The following PCDHGB6 variants were observed in gnomAD, a reference collection of about 807,000 sequenced individuals.
PCDHGB6 encodes protocadherin gamma subfamily B, 6.
A neutral mutation model predicts 59.1 loss-of-function variants in PCDHGB6; 51 were observed. The ratio of observed to expected loss-of-function variants is 0.86; its 90% CI spans 0.69 to 1.09. The LOEUF (loss-of-function observed/expected upper bound fraction) is 1.09. PCDHGB6 is among the 50% of genes least tolerant of loss of function. PCDHGB6 has a pLI of 0.00. For synonymous variants in PCDHGB6, 466 were observed against 495.1 expected (o/e 0.94, Z 0.78); for missense variants, 1,148 against 1,205.1 (o/e 0.95, Z 0.70).
rs756146067 is a variant in PCDHGB6, at chr5:141,477,534, G to C, written c.2419-17273G>C. On this transcript the variant is annotated intron_variant, in intron 1 of 3. Transcript: ENST00000520790. This position sits in a 1 kb window ranked among gnomAD's most constrained non-coding sequence, Gnocchi z 4.9. ...TACATTGAAGAAAACAACCTCCCCG[G>C]GGCTCCAATACTAAACCTAAGTGTC... 1.9e-6 allele frequency: 3 copies of C among 1,614,008 alleles called. No homozygotes were observed. Among genetic ancestry groups the C allele is most frequent in the East Asian group, 4.5e-5 (2 of 44,870 alleles).
Position 141,511,502 on chromosome 5 carries a change from A to C in PCDHGB6, c.*329A>C. The C allele has an allele frequency of 2.0e-5, 8 of 395,260 alleles. No individual in the cohort carries two copies. The highest frequency in any genetic ancestry group is 4.1e-5 in the African/African-American group (2 of 48,892). The allele number at this position is 395,260 out of a possible 1,614,324, so 24.5% of individuals were successfully genotyped here. A position where few individuals can be genotyped will look rare whatever the true frequency, so the allele number is the denominator to read the frequency against. ...CTGAACTCCTCCATCTTCCAAATCA[A>C]TCAGGCCCATCCATCCCATGCCTCC... On this transcript the variant is annotated 3_prime_UTR_variant, in exon 4 of 4. Transcript: ENST00000520790.
intron 1 of PCDHGB6, among the ~76,000 whole-genome samples, chr5:141,453,095 G>T (rs1254113352): frequency 6.6e-6 from 1 of 151,962 alleles, no homozygotes; most frequent in African/African-American, 2.4e-5. Flanking sequence ...TATATTTTCT[G>T]TTGCTTTTTT....
intron 1 of PCDHGB6, chr5:141,419,932 C>T: frequency 6.2e-7 from 1 of 1,614,090 alleles, no homozygotes; most frequent in Non-Finnish European, 8.5e-7. Flanking sequence ...TGCAGTTTTA[C>T]CTGGTGGTGG....
chr5:141,503,471 C>A (rs2099820129), intron 2 of PCDHGB6, among the ~76,000 whole-genome samples: 1 of 151,836 alleles, frequency 6.6e-6, no homozygotes, highest in African/African-American at 2.4e-5. Context: ...GGCATGTGTG[C>A]ACTTGTCGTC....
At chr5:141,417,340 C>T (rs981474163) in intron 1 of PCDHGB6, 2 of 152,874 alleles carry the variant, frequency 1.3e-5, no homozygotes, top group African/African-American at 4.8e-5. Context: ...GATAGGAGAC[C>T]TATAAACCTT....
At chr5:141,459,531 A>G (rs1479666418) in intron 1 of PCDHGB6, among the ~76,000 whole-genome samples, 2 of 152,184 alleles carry the variant, frequency 1.3e-5, no homozygotes, top group Admixed American at 1.3e-4. Context: ...TTTTGTAGGC[A>G]TATTTTTTTT....
Position 141,487,247 on chromosome 5 carries a change from T to C in PCDHGB6, c.2419-7560T>C. Reference sequence around the variant, plus strand: ...GGAAGGAGAATCTCGTCTAACCCTCTACTTGGCTGTGTCCCTAGTGGCAAT... The same window carrying C: ...GGAAGGAGAATCTCGTCTAACCCTCCACTTGGCTGTGTCCCTAGTGGCAAT... On this transcript the variant is annotated intron_variant, in intron 1 of 3. Transcript: ENST00000520790. This position sits in a 1 kb window ranked among gnomAD's most constrained non-coding sequence, Gnocchi z 5.0. 1 of 1,614,174 alleles carries C rather than the reference T, an allele frequency of 6.2e-7. No individual in the cohort carries two copies. The highest frequency in any genetic ancestry group is 1.3e-5 in the African/African-American group (1 of 75,048).
intron 1 of PCDHGB6, among the ~76,000 whole-genome samples, chr5:141,447,749 T>G (rs1462661604): frequency 6.6e-6 from 1 of 152,196 alleles, no homozygotes; most frequent in Non-Finnish European, 1.5e-5. Context: ...GAGTCTTGCA[T>G]GTGACTGTAT....
intron 2 of PCDHGB6, among the ~76,000 whole-genome samples, chr5:141,504,859 C>T (rs1396681670): frequency 6.6e-6 from 1 of 152,090 alleles, no homozygotes; most frequent in African/African-American, 2.4e-5. Context: ...TCTTCCATTT[C>T]CCACCTTCAC....
chr5:141,490,412 C>T lies in PCDHGB6; in HGVS notation c.2419-4395C>T, dbSNP rs2233605. 10 of 1,614,062 alleles carry T rather than the reference C, an allele frequency of 6.2e-6. No homozygotes were observed. The highest frequency in any genetic ancestry group is 4.0e-5 in the African/African-American group (3 of 74,910). Reference sequence around the variant, plus strand: ...GGTGAAGTGAGCCTTGATATCTCTCCGGACCTGCCATTTCAGATTAAGCCT... The same window carrying T: ...GGTGAAGTGAGCCTTGATATCTCTCTGGACCTGCCATTTCAGATTAAGCCT... On this transcript the variant is annotated intron_variant, in intron 1 of 3. Transcript: ENST00000520790. This position sits in a 1 kb window ranked among gnomAD's most constrained non-coding sequence, Gnocchi z 5.4.
chr5:141,415,740 G>GTTTTTTTTTTTTTTTT (rs57426385), intron 1 of PCDHGB6: 34 of 625,042 alleles, frequency 5.4e-5, no homozygotes, highest in African/African-American at 2.0e-4. Flanking sequence ...GTTTATTAAG[G>GTTTTTTTTTTTTTTTT]TTTTTTTTTT....
At chr5:141,422,950 G>A (rs1388735971) in intron 1 of PCDHGB6, 2 of 1,614,230 alleles carry the variant, frequency 1.2e-6, no homozygotes, top group South Asian at 1.1e-5. Flanking sequence ...CGGCTCCACT[G>A]GCGTGGAGCT....
At chr5:141,449,055 A>T (rs1056298558) in intron 1 of PCDHGB6, among the ~76,000 whole-genome samples, 1 of 152,188 alleles carries the variant, frequency 6.6e-6, no homozygotes, top group Non-Finnish European at 1.5e-5. Context: ...CTCATAAATG[A>T]GCGCTATTGA....
In PCDHGB6 at chr5:141,486,705, A is replaced by T. The variant is rs2099633722; in HGVS notation, c.2419-8102A>T. On this transcript the variant is annotated intron_variant, in intron 1 of 3. Transcript: ENST00000520790. This position sits in a 1 kb window ranked among gnomAD's most constrained non-coding sequence, Gnocchi z 5.0. ...TCAGCTTCCTCTTTCATCTCTCTGA[A>T]CCCCCAGACAGGAGCTGTTCATGCT... The T allele has an allele frequency of 6.2e-7, 1 of 1,613,844 alleles. No individual in the cohort carries two copies. The highest frequency in any genetic ancestry group is 1.3e-5 in the African/African-American group (1 of 74,910).
At chr5:141,418,328 G>A (rs1298044571) in intron 1 of PCDHGB6, 1 of 1,614,002 alleles carries the variant, frequency 6.2e-7, no homozygotes, top group Non-Finnish European at 8.5e-7. Flanking sequence ...TCTTGAGTCT[G>A]CAGAAGATCC....
chr5:141,509,086 A>T lies in PCDHGB6; in HGVS notation c.2567-1861A>T, dbSNP rs147084289. On this transcript the variant is annotated intron_variant, in intron 3 of 3. Coordinates refer to ENST00000520790, the MANE Select transcript of PCDHGB6 (RefSeq NM_018926.3). ...CAGCTCCGGGGATTTGCGACATGAAATGGGGGCTGTAGAAACCTGAGCGCT... is the reference window on the plus strand; with the variant it reads ...CAGCTCCGGGGATTTGCGACATGAATTGGGGGCTGTAGAAACCTGAGCGCT... 8.3e-3 allele frequency among the ~76,000 whole-genome samples: 1,261 copies of T among 152,228 alleles called. 7 individuals are homozygous for T. Among genetic ancestry groups the T allele is most frequent in the Middle Eastern group, 0.037 (11 of 294 alleles).
At chr5:141,450,006 CTTT>C (rs1554136305) in intron 1 of PCDHGB6, among the ~76,000 whole-genome samples, 9 of 132,974 alleles carry the variant, frequency 6.8e-5, no homozygotes, top group Admixed American at 7.8e-5. Context: ...TGCCATGTCT[CTTT>C]TTTTTTTTTT....
chr5:141,487,031 G>A lies in PCDHGB6; in HGVS notation c.2419-7776G>A, dbSNP rs749130369. 1.2e-6 allele frequency: 2 copies of A among 1,614,182 alleles called. No homozygotes were observed. Among genetic ancestry groups the A allele is most frequent in the Non-Finnish European group, 1.7e-6 (2 of 1,180,028 alleles). On this transcript the variant is annotated intron_variant, in intron 1 of 3. Coordinates refer to ENST00000520790, the MANE Select transcript of PCDHGB6 (RefSeq NM_018926.3). The surrounding 1 kb of genome is among the most constrained non-coding windows in gnomAD (Gnocchi z 5.0). ...GGAGGCCCCAGATCCCAGCCTGTTT[G>A]CAGTCTCTCGATATGCTGGGGAGGT...
chr5:141,442,343 G>A (rs1300318674), intron 1 of PCDHGB6: 1 of 152,336 alleles, frequency 6.6e-6, no homozygotes, highest in African/African-American at 2.4e-5. Context: ...CAGGTTTCTG[G>A]GTAACTGTAG....
Sources: allele counts gnomAD v4.1 joint callset (sites outside exome capture counted in the v4.1 genomes callset), GRCh38; gene constraint gnomAD v4.1.1; non-coding constraint Gnocchi (gnomAD v3.1); transcripts MANE v1.5; gene names NCBI Gene and HGNC (gene_info 2026-07-23, HGNC 2026-07-21).